The following PLSCR4 variants were observed in gnomAD, a reference collection of about 807,000 sequenced individuals.
PLSCR4 encodes the protein phospholipid scramblase 4.
PLSCR4 carries 25 observed loss-of-function variants against 36.3 expected under a neutral mutation model. The observed-to-expected ratio is 0.69, with a 90% confidence interval of 0.50 to 0.96. PLSCR4 has a LOEUF of 0.96. Ranked by LOEUF, PLSCR4 falls within the 40% of genes least tolerant of loss-of-function variation. The pLI is 0.00. For synonymous variants in PLSCR4, 122 were observed against 132.9 expected (o/e 0.92, Z 0.56); for missense variants, 408 against 414.7 (o/e 0.98, Z 0.14).
rs765702898 is a variant in PLSCR4, at chr3:146,193,682, T to C, written c.*729A>G. The C allele has an allele frequency of 1.3e-5, 2 of 152,260 alleles. No individual in the cohort carries two copies. The highest frequency in any genetic ancestry group is 2.4e-5 in the African/African-American group (1 of 41,480). The allele number at this position is 152,260 out of a possible 1,614,324, so 9.4% of individuals were successfully genotyped here. On this transcript the variant is annotated 3_prime_UTR_variant, in exon 9 of 9. Transcript: ENST00000354952. Reference sequence around the variant, plus strand: ...GTTGCTCAGAGATCTTGACTGGCTGTGGCCCTGGCCAGCTCCTTTCCTGAT... The same window carrying C: ...GTTGCTCAGAGATCTTGACTGGCTGCGGCCCTGGCCAGCTCCTTTCCTGAT...
chr3:146,231,935 C>T (rs2035731307), intron 1 of PLSCR4, among the ~76,000 whole-genome samples: 2 of 87,786 alleles, frequency 2.3e-5, no homozygotes, highest in South Asian at 9.7e-4. Flanking sequence ...TTGCCAAGGC[C>T]TACATCCAGA....
chr3:146,213,145 T>C (rs1183125670), intron 3 of PLSCR4, among the ~76,000 whole-genome samples: 1 of 152,104 alleles, frequency 6.6e-6, no homozygotes, highest in Non-Finnish European at 1.5e-5. Context: ...GTTGAGAAAG[T>C]CCGATTCTAT....
chr3:146,201,894 T>C (rs2034068299), intron 4 of PLSCR4, among the ~76,000 whole-genome samples: 1 of 152,058 alleles, frequency 6.6e-6, no homozygotes, highest in Non-Finnish European at 1.5e-5. Flanking sequence ...CTGATTATAT[T>C]TGTATAATTT....
intron 3 of PLSCR4, among the ~76,000 whole-genome samples, chr3:146,216,637 G>A (rs1353116218): frequency 2.6e-5 from 4 of 152,038 alleles, no homozygotes; most frequent in East Asian, 1.9e-4. Context: ...ATTAGCTGAC[G>A]TATCAGGAGT....
rs147201156 is a variant in PLSCR4 at position 146,223,502 on chromosome 3, C to A, written c.-21-1410G>T. On this transcript the variant is annotated intron_variant, in intron 1 of 8. Transcript: ENST00000354952. ...GCCTATGTACTTTTCAATATGTGATCATGTTCATAAGAATACAGTCATTTG... is the reference window on the plus strand; with the variant it reads ...GCCTATGTACTTTTCAATATGTGATAATGTTCATAAGAATACAGTCATTTG... 7.9e-4 allele frequency among the ~76,000 whole-genome samples: 120 copies of A among 152,256 alleles called. No individual in the cohort carries two copies. The East Asian group carries it at 0.019, about 24-fold the overall frequency.
intron 1 of PLSCR4, among the ~76,000 whole-genome samples, chr3:146,222,670 T>C (rs143012255): frequency 1.1e-3 from 166 of 152,272 alleles, no homozygotes; most frequent in African/African-American, 3.9e-3. Flanking sequence ...AGGTAAGACA[T>C]GCAGATAAAG....
intron 3 of PLSCR4, among the ~76,000 whole-genome samples, chr3:146,215,621 G>A (rs2034855976): frequency 1.3e-5 from 2 of 151,920 alleles, no homozygotes. Flanking sequence ...TGTAATGTGT[G>A]TATATGTATG....
intron 3 of PLSCR4, among the ~76,000 whole-genome samples, chr3:146,213,086 T>C (rs890868890): frequency 6.6e-6 from 1 of 152,190 alleles, no homozygotes; most frequent in African/African-American, 2.4e-5. Context: ...CACTTGGTCA[T>C]GGTGTTTAAT....
chr3:146,244,269 G>A (rs762396970), intron 1 of PLSCR4, among the ~76,000 whole-genome samples: 1 of 152,028 alleles, frequency 6.6e-6, no homozygotes, highest in Admixed American at 6.6e-5. Flanking sequence ...CAGGCTATAT[G>A]TTTAAAACAT....
At chr3:146,224,017 G>T (rs995683328) in intron 1 of PLSCR4, among the ~76,000 whole-genome samples, 1 of 149,986 alleles carries the variant, frequency 6.7e-6, no homozygotes, top group African/African-American at 2.4e-5. Context: ...CCAATTCTGG[G>T]CCAGTAAAAG....
intron 3 of PLSCR4, among the ~76,000 whole-genome samples, chr3:146,218,404 A>G (rs1258733263): frequency 1.3e-4 from 20 of 151,866 alleles, no homozygotes; most frequent in Non-Finnish European, 1.5e-5. Flanking sequence ...AAAGCACCTC[A>G]TGTTATAAAA....
chr3:146,215,692 G>A (rs1006197532), intron 3 of PLSCR4, among the ~76,000 whole-genome samples: 2 of 152,124 alleles, frequency 1.3e-5, no homozygotes, highest in African/African-American at 4.8e-5. Context: ...GATGACAGCT[G>A]AAAGATGTTA....
rs112141508 is a variant in PLSCR4, at chr3:146,221,945, A to G, written c.7+120T>C. On this transcript the variant is annotated intron_variant, in intron 2 of 8. Transcript: ENST00000354952. ...TATATATATGCAAACACACACACGTATTTATATTTGCCAAATGTTAAACAA... is the reference window on the plus strand; with the variant it reads ...TATATATATGCAAACACACACACGTGTTTATATTTGCCAAATGTTAAACAA... 3,570 of 489,240 alleles carry G rather than the reference A, an allele frequency of 7.3e-3. 50 individuals are homozygous for G. The highest frequency in any genetic ancestry group is 0.041 in the African/African-American group (2,033 of 49,738). The allele number at this position is 489,240 out of a possible 1,614,324, so 30.3% of individuals were successfully genotyped here.
rs371002581 is a variant in PLSCR4, at chr3:146,225,965, G to A, written c.-21-3873C>T. Reference sequence around the variant, plus strand: ...GCCGAGAGCGAGGGCTCTGAGGACTGCCAGCACACTGTCACCTCGCAGTAT... The same window carrying A: ...GCCGAGAGCGAGGGCTCTGAGGACTACCAGCACACTGTCACCTCGCAGTAT... On this transcript the variant is annotated intron_variant, in intron 1 of 8. Transcript: ENST00000354952. 7.2e-4 allele frequency among the ~76,000 whole-genome samples: 109 copies of A among 152,338 alleles called. 5 individuals carry two copies. In the Middle Eastern group the frequency reaches 0.01, roughly 14 times the overall value.
chr3:146,220,960 GAAACAATA>G, intron 2 of PLSCR4, 35 bp from the exon 3 acceptor site: 1 of 1,260,814 alleles, frequency 7.9e-7, no homozygotes, highest in Non-Finnish European at 1.1e-6. Flanking sequence ...ACTTACAAAG[GAAACAATA>G]ATATAATGAC....
At chr3:146,206,377 A>G (rs541092481) in intron 4 of PLSCR4, 149 bp downstream of exon 4, 1 of 612,160 alleles carries the variant, frequency 1.6e-6, no homozygotes, top group African/African-American at 1.8e-5. Context: ...TATTTCTGAA[A>G]CTGGTATCAC....
intron 3 of PLSCR4, among the ~76,000 whole-genome samples, chr3:146,217,001 G>T (rs897368111): frequency 1.3e-4 from 19 of 151,948 alleles, no homozygotes; most frequent in African/African-American, 4.4e-4. Context: ...CTGAAAACAA[G>T]GCCATGAGAT....
chr3:146,216,146 T>C (rs1366332506), intron 3 of PLSCR4, among the ~76,000 whole-genome samples: 3 of 152,052 alleles, frequency 2.0e-5, no homozygotes, highest in Admixed American at 2.0e-4. Context: ...AGGAGAATCA[T>C]TTAGAACCCG....
intron 4 of PLSCR4, 110 bp downstream of exon 4, chr3:146,206,416 G>T: frequency 1.4e-6 from 1 of 726,276 alleles, no homozygotes; most frequent in Non-Finnish European, 2.4e-6. Context: ...AATGGCATCT[G>T]TCATCACTGA....
Sources: gnomAD v4.1 joint callset for allele counts (sites outside exome capture counted in the v4.1 genomes callset) on GRCh38, gnomAD v4.1.1 for gene constraint, MANE v1.5 for transcripts, NCBI Gene and HGNC (gene_info 2026-07-23, HGNC 2026-07-21) for gene names.